Variants in PCDHGA12 observed in about 807,000 individuals in gnomAD.
PCDHGA12 encodes the protein protocadherin gamma-A12.
A neutral mutation model predicts 61.1 loss-of-function variants in PCDHGA12; 43 were observed. The ratio of observed to expected loss-of-function variants is 0.70; its 90% CI spans 0.55 to 0.91. The LOEUF (loss-of-function observed/expected upper bound fraction) is 0.91. Among genes scored for constraint, PCDHGA12 ranks in the 40% least tolerant of loss-of-function variants. The probability of loss-of-function intolerance (pLI) is 0.00; values close to 1 mark genes in which losing one functional copy is unlikely to be tolerated. For synonymous variants in PCDHGA12, 520 were observed against 542.9 expected (o/e 0.96, Z 0.59); for missense variants, 1,236 against 1,227.7 (o/e 1.01, Z -0.10).
intron 1 of PCDHGA12, among the ~76,000 whole-genome samples, chr5:141,484,795 C>T (rs1265916821): frequency 6.6e-6 from 1 of 151,784 alleles, no homozygotes; most frequent in African/African-American, 2.4e-5. Context: ...AGATAACAAC[C>T]CGTGGAAAAA....
rs747671382 is a variant in PCDHGA12 at position 141,444,152 on chromosome 5, A to ATTTTTTTT, written c.2424+10998_2424+11005dup. ...GATATGTGTCACTTGTGTGTACTGG[A>ATTTTTTTT]TTTTTTTTTTTTTTTTTTTTTTTTT... On this transcript the variant is annotated intron_variant, in intron 1 of 3. Transcript: ENST00000252085. Among the ~76,000 whole-genome samples, 8 of 33,898 alleles carry ATTTTTTTT rather than the reference A, an allele frequency of 2.4e-4. 3 individuals are homozygous for ATTTTTTTT. Among genetic ancestry groups the ATTTTTTTT allele is most frequent in the African/African-American group, 5.6e-4 (4 of 7,184 alleles). The allele number at this position is 33,898 out of a possible 152,430, so 22.2% of individuals were successfully genotyped here.
chr5:141,454,932 C>G (rs945154196), intron 1 of PCDHGA12, among the ~76,000 whole-genome samples: 7 of 150,770 alleles, frequency 4.6e-5, no homozygotes, highest in Non-Finnish European at 1.0e-4. Context: ...CTCAGCCTCC[C>G]GAGTAGCTGG....
At chr5:141,473,501 G>A (rs1053399138) in intron 1 of PCDHGA12, among the ~76,000 whole-genome samples, 2 of 152,188 alleles carry the variant, frequency 1.3e-5, no homozygotes, top group South Asian at 4.1e-4. Context: ...GGTGTTCTGA[G>A]AGAGCATAAC....
At chr5:141,445,342 T>C (rs1026595756) in intron 1 of PCDHGA12, among the ~76,000 whole-genome samples, 4 of 152,202 alleles carry the variant, frequency 2.6e-5, no homozygotes, top group African/African-American at 9.6e-5. Flanking sequence ...ACAGTAAACA[T>C]TGGTGTCTGC....
chr5:141,507,570 G>A (rs562674847), intron 3 of PCDHGA12, among the ~76,000 whole-genome samples: 1 of 152,366 alleles, frequency 6.6e-6, no homozygotes, highest in South Asian at 2.1e-4. Flanking sequence ...CTGGGTCTGA[G>A]GAGATGCCAA....
intron 2 of PCDHGA12, among the ~76,000 whole-genome samples, chr5:141,496,565 T>C (rs2099769541): frequency 6.6e-6 from 1 of 152,136 alleles, no homozygotes; most frequent in African/African-American, 2.4e-5. Context: ...CACAGTCCTG[T>C]CACCCATTTT....
At position 141,485,122 on chromosome 5, in the gene PCDHGA12, G is replaced by C. The variant is rs1000179570; in HGVS notation, c.2425-9685G>C. The stretch of plus-strand genomic sequence containing the variant: ...CAGCTGCTGTGGCTGTTTGGGGCGG[G>C]TCGGCTTCATCCGCGTCTCAGGAGC... On this transcript the variant is annotated intron_variant, in intron 1 of 3. Transcript: ENST00000252085. This position sits in a 1 kb window ranked among gnomAD's most constrained non-coding sequence, Gnocchi z 5.7. The C allele has an allele frequency of 4.3e-6, 6 of 1,387,506 alleles. No individual in the cohort carries two copies. In the African/African-American group the frequency reaches 8.5e-5, roughly 20 times the overall value. The allele number at this position is 1,387,506 out of a possible 1,614,324, so 85.9% of individuals were successfully genotyped here. A position where few individuals can be genotyped will look rare whatever the true frequency, so the allele number is the denominator to read the frequency against.
intron 1 of PCDHGA12, among the ~76,000 whole-genome samples, chr5:141,492,622 C>A (rs2099742615): frequency 6.6e-6 from 1 of 152,218 alleles, no homozygotes; most frequent in South Asian, 2.1e-4. Flanking sequence ...GCCGGGCGGG[C>A]AGGACTCTAC....
At chr5:141,494,972 C>A in intron 2 of PCDHGA12, 107 bp downstream of exon 2, 1 of 1,581,852 alleles carries the variant, frequency 6.3e-7, no homozygotes, top group South Asian at 1.1e-5. Flanking sequence ...TGGCTTCTCC[C>A]TCAGTTTGAG....
intron 1 of PCDHGA12, among the ~76,000 whole-genome samples, chr5:141,438,149 A>G (rs1441404688): frequency 6.6e-6 from 1 of 152,220 alleles, no homozygotes; most frequent in African/African-American, 2.4e-5. Context: ...TAGCCAGCCT[A>G]TGGCAAAGCT....
rs984222446 is a variant in PCDHGA12 at position 141,493,942 on chromosome 5, G to T, written c.2425-865G>T. ...ACACACCCCCTGGAAAGACCAGAAG[G>T]GACTCAGGAATGAAGTGGCTGGCCA... On this transcript the variant is annotated intron_variant, in intron 1 of 3. Transcript: ENST00000252085. The surrounding 1 kb of genome is among the most constrained non-coding windows in gnomAD (Gnocchi z 4.3). Among the ~76,000 whole-genome samples the T allele has an allele frequency of 1.3e-5, 2 of 152,168 alleles. No individual in the cohort carries two copies. Among genetic ancestry groups the T allele is most frequent in the Non-Finnish European group, 1.5e-5 (1 of 68,022 alleles).
rs760747309 is a variant in PCDHGA12, at chr5:141,477,613, A to G, written c.2425-17194A>G. 1.2e-6 allele frequency: 2 copies of G among 1,614,210 alleles called. No individual in the cohort carries two copies. Among genetic ancestry groups the G allele is most frequent in the Non-Finnish European group, 8.5e-7 (1 of 1,180,044 alleles). ...GGCTTTCTTTCTTTCTCTTGGAGCA[A>G]GGAGCTGAAACCGGGCTAGTGGGTC... On this transcript the variant is annotated intron_variant, in intron 1 of 3. Coordinates refer to ENST00000252085, the MANE Select transcript of PCDHGA12 (RefSeq NM_003735.3). This position sits in a 1 kb window ranked among gnomAD's most constrained non-coding sequence, Gnocchi z 4.9.
In PCDHGA12 at chr5:141,431,450, A is replaced by G; in HGVS notation, c.691A>G (p.Met231Val). 2 of 1,613,740 alleles carry G rather than the reference A, an allele frequency of 1.2e-6. No individual in the cohort carries two copies. Among genetic ancestry groups the G allele is most frequent in the South Asian group, 1.1e-5 (1 of 91,082 alleles). ...VRTGTARIRV[M>V]VLDANDNAPA... Reference sequence around the variant, plus strand: ...CACAGGCACCGCGCGCATCCGCGTGATGGTTCTGGATGCGAACGACAACGC... The same window carrying G: ...CACAGGCACCGCGCGCATCCGCGTGGTGGTTCTGGATGCGAACGACAACGC... Residue 231 changes from methionine (M) to valine (V), a missense_variant, in exon 1 of 4, where the codon ATG (methionine) becomes GTG (valine). Physicochemically the swap from Met to Val is conservative, Grantham distance 21. Coordinates refer to ENST00000252085, the MANE Select transcript of PCDHGA12 (RefSeq NM_003735.3). The surrounding 1 kb of genome is among the most constrained non-coding windows in gnomAD (Gnocchi z 4.8).
intron 2 of PCDHGA12, among the ~76,000 whole-genome samples, chr5:141,499,689 CTTTTTTT>C (rs545067566): frequency 8.3e-6 from 1 of 119,856 alleles, no homozygotes; most frequent in Non-Finnish European, 1.7e-5. Flanking sequence ...TAACAGATGA[CTTTTTTT>C]TTTTTTTTTT....
In PCDHGA12 at chr5:141,490,692, G is replaced by C. The variant is rs751109998; in HGVS notation, c.2425-4115G>C. 16 of 1,614,154 alleles carry C rather than the reference G, an allele frequency of 9.9e-6. 1 individual carries two copies. The Middle Eastern group carries it at 6.6e-4, about 67-fold the overall frequency. ...TGGCTGCCTCAGATCCAGACACTGG[G>C]GATAATGCCCGCCTCACCTACTCCA... On this transcript the variant is annotated intron_variant, in intron 1 of 3. Transcript: ENST00000252085. This position sits in a 1 kb window ranked among gnomAD's most constrained non-coding sequence, Gnocchi z 5.4.
intron 1 of PCDHGA12, among the ~76,000 whole-genome samples, chr5:141,446,473 G>C (rs558209769): frequency 2.0e-4 from 29 of 148,138 alleles, no homozygotes; most frequent in Non-Finnish European, 1.5e-4. Context: ...TAGACATATG[G>C]TCATCATTCT....
intron 1 of PCDHGA12, among the ~76,000 whole-genome samples, chr5:141,446,065 G>T (rs1285093512): frequency 2.0e-5 from 3 of 152,306 alleles, no homozygotes; most frequent in African/African-American, 7.2e-5. Flanking sequence ...GATTAAAGGG[G>T]AGGCAGTGGA....
chr5:141,489,096 ACT>A lies in PCDHGA12; in HGVS notation c.2425-5710_2425-5709del. The A allele has an allele frequency of 2.0e-6, 1 of 494,278 alleles. No individual in the cohort carries two copies. The allele number at this position is 494,278 out of a possible 1,614,324, so 30.6% of individuals were successfully genotyped here. A position where few individuals can be genotyped will look rare whatever the true frequency, so the allele number is the denominator to read the frequency against. ...CACCCCCGCCACTCGGTGACTAAGA[ACT>A]GCTGCAAGCAGGCAAACCTCCGAGC... On this transcript the variant is annotated intron_variant, in intron 1 of 3. Coordinates refer to ENST00000252085, the MANE Select transcript of PCDHGA12 (RefSeq NM_003735.3). The surrounding 1 kb of genome is among the most constrained non-coding windows in gnomAD (Gnocchi z 4.5).
chr5:141,438,576 A>C (rs1016175176), intron 1 of PCDHGA12, among the ~76,000 whole-genome samples: 4 of 55,572 alleles, frequency 7.2e-5, no homozygotes, highest in Non-Finnish European at 1.2e-4. Context: ...TCTGATATAC[A>C]TACATACATA....
Sources: gnomAD v4.1 joint callset for allele counts (sites outside exome capture counted in the v4.1 genomes callset) on GRCh38, gnomAD v4.1.1 for gene constraint, Gnocchi (gnomAD v3.1) non-coding constraint, MANE v1.5 for transcripts, NCBI Gene and HGNC (gene_info 2026-07-23, HGNC 2026-07-21) for gene names.